The following NBAS variants were observed in gnomAD, a reference collection of about 807,000 sequenced individuals.
NBAS encodes NBAS subunit of NRZ tethering complex, also known as NAG/BC035112 fusion.
NBAS carries 219 observed loss-of-function variants against 302.5 expected under a neutral mutation model. That is an observed-to-expected ratio of 0.72 (90% CI 0.65 to 0.81). The LOEUF is 0.81. Among genes scored for constraint, NBAS ranks in the 30% least tolerant of loss-of-function variants. The probability of loss-of-function intolerance (pLI) is 0.00; values close to 1 mark genes in which losing one functional copy is unlikely to be tolerated. For missense variants in NBAS, 2,932 were observed against 2,841.6 expected (o/e 1.03, Z -0.72); for synonymous variants, 1,118 against 1,021.6 (o/e 1.09, Z -1.80).
intron 26 of NBAS, among the ~76,000 whole-genome samples, chr2:15,398,870 A>G (rs773655613): frequency 2.0e-5 from 3 of 152,196 alleles, no homozygotes; most frequent in Non-Finnish European, 4.4e-5. Flanking sequence ...GTAACAAGAA[A>G]ATATCAAGTC....
At chr2:14,964,835 A>G in the NBAS span, among the ~76,000 whole-genome samples, 1 of 152,198 alleles carries the variant, frequency 6.6e-6, no homozygotes, top group African/African-American at 2.4e-5. Flanking sequence ...CACACAAAGT[A>G]TGTTGTCCAG....
chr2:14,998,927 G>A, the NBAS span, among the ~76,000 whole-genome samples: 14 of 152,250 alleles, frequency 9.2e-5, no homozygotes, highest in South Asian at 1.0e-3. Flanking sequence ...CTCCCAGCAC[G>A]CTGGCAATCA....
the NBAS span, among the ~76,000 whole-genome samples, chr2:15,020,519 A>G: frequency 2.6e-5 from 4 of 152,190 alleles, no homozygotes; most frequent in African/African-American, 9.6e-5. Context: ...ATGGCTCAAG[A>G]TCCCAAAGGA....
chr2:15,011,394 A>C, the NBAS span, among the ~76,000 whole-genome samples: 1 of 152,180 alleles, frequency 6.6e-6, no homozygotes, highest in African/African-American at 2.4e-5. Context: ...TAAAAAAAAA[A>C]GTATTAAACC....
intron 21 of NBAS, among the ~76,000 whole-genome samples, chr2:15,457,679 A>G (rs1460785726): frequency 6.6e-6 from 1 of 152,174 alleles, no homozygotes; most frequent in Non-Finnish European, 1.5e-5. Context: ...TGCCCAACCA[A>G]TGGTGCGTGG....
intron 44 of NBAS, among the ~76,000 whole-genome samples, chr2:15,256,454 G>A (rs558079707): frequency 2.6e-5 from 4 of 152,234 alleles, no homozygotes; most frequent in South Asian, 2.1e-4. Context: ...TGGATGAGTC[G>A]TTAGGGTTTT....
chr2:15,407,756 T>C (rs1202594616), intron 25 of NBAS, among the ~76,000 whole-genome samples: 2 of 152,248 alleles, frequency 1.3e-5, no homozygotes, highest in Non-Finnish European at 2.9e-5. Context: ...TATTTTTCTA[T>C]GCTGCCATAA....
At chr2:15,194,080 A>G (rs78134441) in intron 48 of NBAS, among the ~76,000 whole-genome samples, 3,275 of 152,208 alleles carry the variant, frequency 0.022, 95 homozygotes, top group East Asian at 0.14. Flanking sequence ...CCAGAGCTCA[A>G]GCAGACCCAT....
chr2:15,368,303 G>C (rs1476968878), intron 31 of NBAS, among the ~76,000 whole-genome samples: 1 of 148,282 alleles, frequency 6.7e-6, no homozygotes, highest in Non-Finnish European at 1.5e-5. Flanking sequence ...AGGTTCAAGC[G>C]ATTCTTCTGC....
the NBAS span, among the ~76,000 whole-genome samples, chr2:14,836,191 G>C: frequency 6.6e-6 from 1 of 151,876 alleles, no homozygotes; most frequent in South Asian, 2.1e-4. Context: ...TTTTCTGTAA[G>C]AGGTTTTTGT....
chr2:15,360,346 AC>A (rs34723155), intron 32 of NBAS, among the ~76,000 whole-genome samples: 63,039 of 136,272 alleles, frequency 0.46, 15,947 homozygotes, highest in Non-Finnish European at 0.62. Context: ...AAAAAAAAAA[AC>A]AAAACAAAAC....
the NBAS span, among the ~76,000 whole-genome samples, chr2:14,843,955 G>C: frequency 6.6e-6 from 1 of 152,004 alleles, no homozygotes; most frequent in Non-Finnish European, 1.5e-5. Context: ...AAATTAACTT[G>C]AAATACAGTC....
At chr2:15,008,718 A>G in the NBAS span, among the ~76,000 whole-genome samples, 1 of 152,244 alleles carries the variant, frequency 6.6e-6, no homozygotes, top group African/African-American at 2.4e-5. Context: ...GAAATCAGGT[A>G]CACATTGTTT....
At chr2:14,872,156 G>C in the NBAS span, among the ~76,000 whole-genome samples, 1 of 152,150 alleles carries the variant, frequency 6.6e-6, no homozygotes, top group Admixed American at 6.5e-5. Flanking sequence ...ATAAAACAGA[G>C]AGAGGGTCAT....
chr2:15,108,286 G>C, the NBAS span, among the ~76,000 whole-genome samples: 2 of 152,004 alleles, frequency 1.3e-5, no homozygotes, highest in Non-Finnish European at 2.9e-5. Context: ...TAATTGTGTT[G>C]ACCTCTCAAC....
chr2:15,109,674 A>G, the NBAS span, among the ~76,000 whole-genome samples: 3 of 152,156 alleles, frequency 2.0e-5, no homozygotes, highest in Non-Finnish European at 4.4e-5. Flanking sequence ...TTGTCTTCTC[A>G]CAGAGTAGAA....
At chr2:14,883,139 C>T in the NBAS span, among the ~76,000 whole-genome samples, 1 of 152,126 alleles carries the variant, frequency 6.6e-6, no homozygotes, top group Non-Finnish European at 1.5e-5. Context: ...TATTGAAAGA[C>T]ATGGTAATTT....
In NBAS at chr2:15,488,986, T is replaced by C. The variant is rs928608322; in HGVS notation, c.991A>G (p.Met331Val). ...IFKMSLSPDG[M>V]LLAAIHFSGK... ...GAGAAGTGAATGGCTGCCAGGAGCA[T>C]CCCATCTGGAGAAAGGCTCATCTTA... The change falls in exon 12 of 52, where the codon ATG (methionine) becomes GTG (valine). Residue 331 changes from methionine (M) to valine (V), a missense_variant. By Grantham distance (21) the Met-to-Val change is conservative. Coordinates refer to ENST00000281513, the MANE Select transcript of NBAS (RefSeq NM_015909.4). 2.5e-5 allele frequency: 41 copies of C among 1,613,640 alleles called. No individual in the cohort carries two copies. Among genetic ancestry groups the C allele is most frequent in the Non-Finnish European group, 3.5e-5 (41 of 1,179,802 alleles).
At chr2:15,371,941 T>C (rs1320903764) in intron 31 of NBAS, among the ~76,000 whole-genome samples, 2 of 152,194 alleles carry the variant, frequency 1.3e-5, no homozygotes, top group Non-Finnish European at 2.9e-5. Flanking sequence ...AAAATAATCA[T>C]TGATATTGTA....
Sources: gnomAD v4.1 joint callset for allele counts (sites outside exome capture counted in the v4.1 genomes callset) on GRCh38, gnomAD v4.1.1 for gene constraint, MANE v1.5 for transcripts, NCBI Gene and HGNC (gene_info 2026-07-23, HGNC 2026-07-21) for gene names.